Variants in TMC1 observed in about 807,000 individuals in gnomAD.
The protein encoded by TMC1 is transmembrane channel-like protein 1.
In TMC1, 84 loss-of-function variants were observed where a neutral mutation model predicts 105.8. The ratio of observed to expected loss-of-function variants is 0.79; its 90% CI spans 0.67 to 0.95. The LOEUF is 0.95. TMC1 is among the 40% of genes least tolerant of loss of function. The probability of loss-of-function intolerance (pLI) is 0.00; values close to 1 mark genes in which losing one functional copy is unlikely to be tolerated. For synonymous variants in TMC1, 315 were observed against 311.5 expected (o/e 1.01, Z -0.12); for missense variants, 817 against 914.1 (o/e 0.89, Z 1.37).
intron 2 of TMC1, among the ~76,000 whole-genome samples, chr9:72,589,957 G>A (rs540468619): frequency 2.0e-4 from 30 of 152,120 alleles, no homozygotes; most frequent in Non-Finnish European, 3.8e-4. Flanking sequence ...ATCCAATGTT[G>A]CCCCTGTGTT....
At chr9:72,830,738 C>CTTTTTTTTTTTTTTTTTTCTTT (rs71495342) in intron 23 of TMC1, 56 bp downstream of exon 23, 1 of 982,718 alleles carries the variant, frequency 1.0e-6, no homozygotes, top group Non-Finnish European at 1.4e-6. Context: ...CTTTTTCTTT[C>CTTTTTTTTTTTTTTTTTTCTTT]TTTTTTTTTT....
intron 1 of TMC1, among the ~76,000 whole-genome samples, chr9:72,544,840 C>T (rs1343921103): frequency 4.7e-5 from 7 of 147,410 alleles, no homozygotes; most frequent in African/African-American, 1.3e-4. Flanking sequence ...TTTTTGGTTA[C>T]GTGAAAAGTT....
At chr9:72,572,256 G>T (rs1179715265) in intron 1 of TMC1, among the ~76,000 whole-genome samples, 2 of 151,790 alleles carry the variant, frequency 1.3e-5, no homozygotes, top group Non-Finnish European at 2.9e-5. Flanking sequence ...GAGTGCAGTG[G>T]CGTGATCTCG....
At chr9:72,833,774 C>A (rs1829078102) in intron 23 of TMC1, among the ~76,000 whole-genome samples, 1 of 152,180 alleles carries the variant, frequency 6.6e-6, no homozygotes, top group Admixed American at 6.5e-5. Context: ...CTTTTAGATT[C>A]CACAATTGCT....
intron 5 of TMC1, among the ~76,000 whole-genome samples, chr9:72,686,750 C>A (rs1286303372): frequency 1.3e-5 from 2 of 152,150 alleles, no homozygotes; most frequent in African/African-American, 2.4e-5. Flanking sequence ...GATGACCATG[C>A]ACAGACCAGA....
intron 5 of TMC1, among the ~76,000 whole-genome samples, chr9:72,673,757 AAAG>A (rs919238402): frequency 6.6e-6 from 1 of 152,230 alleles, no homozygotes; most frequent in Non-Finnish European, 1.5e-5. Flanking sequence ...TATATCTATT[AAAG>A]AAATTAAGTT....
intron 17 of TMC1, among the ~76,000 whole-genome samples, chr9:72,795,532 A>C (rs1346034393): frequency 6.6e-6 from 1 of 152,206 alleles, no homozygotes; most frequent in Non-Finnish European, 1.5e-5. Flanking sequence ...CAAGAATTTC[A>C]TATCAGGCCA....
intron 4 of TMC1, among the ~76,000 whole-genome samples, chr9:72,642,475 A>G (rs1825645327): frequency 1.3e-5 from 2 of 152,234 alleles, no homozygotes; most frequent in South Asian, 4.1e-4. Flanking sequence ...ATATGCCTTA[A>G]ATAGTAAAGC....
At chr9:72,728,357 G>A (rs2117973679) in intron 8 of TMC1, among the ~76,000 whole-genome samples, 1 of 152,282 alleles carries the variant, frequency 6.6e-6, no homozygotes. Context: ...TCTCTTGACT[G>A]ATAAGTCTGG....
chr9:72,717,754 C>T (rs72733043), intron 8 of TMC1, among the ~76,000 whole-genome samples: 8,797 of 152,242 alleles, frequency 0.058, 332 homozygotes, highest in Non-Finnish European at 0.085. Flanking sequence ...CTTTAGATAA[C>T]CTGATAACTA....
At chr9:72,804,800 A>C (rs958638623) in intron 17 of TMC1, among the ~76,000 whole-genome samples, 4 of 152,140 alleles carry the variant, frequency 2.6e-5, no homozygotes, top group Admixed American at 2.6e-4. Context: ...TGGATTTTAC[A>C]TTTGTCATTC....
intron 2 of TMC1, among the ~76,000 whole-genome samples, chr9:72,578,833 A>AGTG (rs1824430616): frequency 6.6e-6 from 1 of 152,184 alleles, no homozygotes; most frequent in Non-Finnish European, 1.5e-5. Flanking sequence ...AACACACTGT[A>AGTG]GTGGTGCCTG....
intron 13 of TMC1, among the ~76,000 whole-genome samples, chr9:72,783,872 C>T (rs1196353633): frequency 6.6e-6 from 1 of 152,086 alleles, no homozygotes; most frequent in Non-Finnish European, 1.5e-5. Context: ...TTCCTTTCAC[C>T]AGATACAAAA....
At chr9:72,716,063 C>G (rs906129320) in intron 8 of TMC1, among the ~76,000 whole-genome samples, 3 of 152,216 alleles carry the variant, frequency 2.0e-5, no homozygotes, top group Non-Finnish European at 4.4e-5. Context: ...ACTCCAGACC[C>G]TGTTCACTTG....
intron 4 of TMC1, among the ~76,000 whole-genome samples, chr9:72,632,935 C>A (rs11143355): frequency 2.0e-5 from 3 of 151,856 alleles, no homozygotes; most frequent in African/African-American, 7.3e-5. Context: ...TAGAAAAGTT[C>A]TCTTTCATTG....
intron 5 of TMC1, among the ~76,000 whole-genome samples, chr9:72,676,574 G>C (rs1476041897): frequency 6.6e-6 from 1 of 152,070 alleles, no homozygotes; most frequent in Non-Finnish European, 1.5e-5. Context: ...CACAGTACAG[G>C]ATGGCATAAA....
intron 5 of TMC1, among the ~76,000 whole-genome samples, chr9:72,659,808 A>C (rs1825947128): frequency 6.6e-6 from 1 of 152,192 alleles, no homozygotes; most frequent in African/African-American, 2.4e-5. Flanking sequence ...AACTTTTATG[A>C]GAAAGAACTA....
chr9:72,522,776 C>T (rs1439967588), intron 1 of TMC1, among the ~76,000 whole-genome samples: 6 of 152,188 alleles, frequency 3.9e-5, no homozygotes, highest in Non-Finnish European at 7.3e-5. Context: ...GGGCACTGGA[C>T]ACTGTCTGTG....
At chr9:72,612,613 CTG>C in intron 2 of TMC1, among the ~76,000 whole-genome samples, 2 of 152,240 alleles carry the variant, frequency 1.3e-5, no homozygotes, top group Middle Eastern at 3.4e-3. Flanking sequence ...ATGAATGTAG[CTG>C]TGTTTCAATA....
Sources: allele counts gnomAD v4.1 joint callset (sites outside exome capture counted in the v4.1 genomes callset), GRCh38; gene constraint gnomAD v4.1.1; transcripts MANE v1.5; gene names NCBI Gene and HGNC (gene_info 2026-07-23, HGNC 2026-07-21).